Variants in CNTN4 observed in about 807,000 individuals in gnomAD.
The protein encoded by CNTN4 is contactin-4.
A neutral mutation model predicts 122.5 loss-of-function variants in CNTN4; 77 were observed. The observed-to-expected ratio is 0.63, with a 90% CI of 0.52 to 0.76. The LOEUF (loss-of-function observed/expected upper bound fraction) is 0.76. Among genes scored for constraint, CNTN4 ranks in the 30% least tolerant of loss-of-function variants. The pLI is 0.00. For missense variants in CNTN4, 1,256 were observed against 1,259.1 expected (o/e 1.00, Z 0.04); for synonymous variants, 512 against 447.0 (o/e 1.15, Z -1.83).
chr3:2,409,143 A>G (rs901821703), intron 3 of CNTN4, among the ~76,000 whole-genome samples: 31 of 152,274 alleles, frequency 2.0e-4, no homozygotes, highest in African/African-American at 7.5e-4. Context: ...CTAAAATTTT[A>G]TTAATTCCAG....
chr3:2,937,108 T>C lies in CNTN4; in HGVS notation c.1358+11329T>C, dbSNP rs76324262. Among the ~76,000 whole-genome samples the C allele has an allele frequency of 7.4e-3, 1,128 of 152,326 alleles. 12 individuals carry two copies. The highest frequency in any genetic ancestry group is 0.026 in the African/African-American group (1,084 of 41,566). On this transcript the variant is annotated intron_variant, in intron 13 of 24. Transcript: ENST00000418658. The stretch of plus-strand genomic sequence containing the variant: ...AAACATCTTCATAGTAACATGATCT[T>C]CCCCCACCTTGGGTTTTTTGTTTGT...
At chr3:2,919,010 C>T (rs1044569073) in intron 12 of CNTN4, among the ~76,000 whole-genome samples, 1 of 151,852 alleles carries the variant, frequency 6.6e-6, no homozygotes, top group Non-Finnish European at 1.5e-5. Context: ...GGGAAAGAGG[C>T]TCTTACTTGA....
intron 3 of CNTN4, among the ~76,000 whole-genome samples, chr3:2,485,176 T>C (rs2076117395): frequency 6.6e-6 from 1 of 152,218 alleles, no homozygotes; most frequent in Admixed American, 6.5e-5. Context: ...CAGCCTGCCA[T>C]GCAGAGCCTC....
chr3:2,372,164 G>A (rs1003230400), intron 3 of CNTN4, among the ~76,000 whole-genome samples: 1 of 152,084 alleles, frequency 6.6e-6, no homozygotes, highest in African/African-American at 2.4e-5. Context: ...CCTGGGGAGG[G>A]GGTAATGACA....
At chr3:2,746,413 G>A (rs1398175086) in intron 6 of CNTN4, among the ~76,000 whole-genome samples, 1 of 151,632 alleles carries the variant, frequency 6.6e-6, no homozygotes. Context: ...ATATATGAAA[G>A]AAAGTGGAAT....
intron 4 of CNTN4, among the ~76,000 whole-genome samples, chr3:2,643,738 G>A (rs2082999128): frequency 6.6e-6 from 1 of 152,088 alleles, no homozygotes; most frequent in Non-Finnish European, 1.5e-5. Context: ...ATTCTGCTTT[G>A]TATGTTAGGA....
chr3:2,665,280 T>G (rs1203909899), intron 4 of CNTN4, among the ~76,000 whole-genome samples: 2 of 152,144 alleles, frequency 1.3e-5, no homozygotes, highest in Non-Finnish European at 2.9e-5. Context: ...GTTAGTGGAG[T>G]TTGAAGCTGT....
chr3:2,488,519 C>CT (rs2076227826), intron 3 of CNTN4, among the ~76,000 whole-genome samples: 1 of 152,148 alleles, frequency 6.6e-6, no homozygotes, highest in African/African-American at 2.4e-5. Context: ...GTGCCCTGAG[C>CT]TACTGGGATA....
At chr3:2,513,916 TA>T (rs952385495) in intron 3 of CNTN4, among the ~76,000 whole-genome samples, 3 of 152,106 alleles carry the variant, frequency 2.0e-5, no homozygotes, top group African/African-American at 7.2e-5. Flanking sequence ...TTTAAAGTGC[TA>T]TGAAAGAGAA....
At chr3:2,204,106 C>A (rs2038230628) in intron 2 of CNTN4, among the ~76,000 whole-genome samples, 1 of 152,024 alleles carries the variant, frequency 6.6e-6, no homozygotes, top group South Asian at 2.1e-4. Context: ...TAACATGTAT[C>A]TGAGTTTTTA....
intron 23 of CNTN4, among the ~76,000 whole-genome samples, chr3:3,053,117 G>A (rs7636498): frequency 5.3e-5 from 8 of 152,202 alleles, no homozygotes; most frequent in Admixed American, 1.3e-4. Context: ...TCACTGCAAC[G>A]TCTGCCTCCC....
At chr3:2,289,930 C>G (rs747879898) in intron 2 of CNTN4, among the ~76,000 whole-genome samples, 17 of 152,086 alleles carry the variant, frequency 1.1e-4, no homozygotes, top group Non-Finnish European at 1.6e-4. Context: ...CTCTCGGAAA[C>G]TTGGAGGCAT....
chr3:2,664,099 A>G (rs1445680281), intron 4 of CNTN4, among the ~76,000 whole-genome samples: 2 of 152,200 alleles, frequency 1.3e-5, no homozygotes, highest in African/African-American at 4.8e-5. Context: ...GATGATGGCT[A>G]TACAACTTTG....
chr3:2,260,749 A>G (rs966059526), intron 2 of CNTN4, among the ~76,000 whole-genome samples: 2 of 148,618 alleles, frequency 1.3e-5, no homozygotes, highest in African/African-American at 5.0e-5. Flanking sequence ...TTTTGAGACA[A>G]GAGTCTCGCT....
At chr3:2,218,677 C>T (rs2038946759) in intron 2 of CNTN4, among the ~76,000 whole-genome samples, 1 of 152,172 alleles carries the variant, frequency 6.6e-6, no homozygotes, top group African/African-American at 2.4e-5. Context: ...GTATGTAGTA[C>T]TAAACCAAAG....
chr3:2,439,408 A>AT (rs201988565), intron 3 of CNTN4, among the ~76,000 whole-genome samples: 11 of 151,026 alleles, frequency 7.3e-5, no homozygotes, highest in South Asian at 2.1e-4. Context: ...ACTTTATTTT[A>AT]TTTTTTTTTA....
At chr3:2,363,999 A>C (rs1490333400) in intron 3 of CNTN4, among the ~76,000 whole-genome samples, 1 of 152,188 alleles carries the variant, frequency 6.6e-6, no homozygotes, top group Non-Finnish European at 1.5e-5. Flanking sequence ...GAATATTTAT[A>C]ACAGACTAGG....
rs373970304 is a variant in CNTN4 at position 2,531,468 on chromosome 3, T to A, written c.-88-39948T>A. ...TCTATGCCTTCAACCAGGGAGGCAG[T>A]GAGTCTTTAGGGATCCAAGCTGTTA... On this transcript the variant is annotated intron_variant, in intron 3 of 24. Transcript: ENST00000418658. Among the ~76,000 whole-genome samples the A allele has an allele frequency of 1.5e-4, 23 of 152,318 alleles. No individual in the cohort carries two copies. The South Asian group carries it at 4.3e-3, about 29-fold the overall frequency.
intron 13 of CNTN4, among the ~76,000 whole-genome samples, chr3:2,942,522 A>C (rs1353922510): frequency 6.6e-6 from 1 of 152,198 alleles, no homozygotes; most frequent in Non-Finnish European, 1.5e-5. Context: ...GATGTGCCTT[A>C]TAATTTTCAT....
Sources: gnomAD v4.1 joint callset for allele counts (sites outside exome capture counted in the v4.1 genomes callset) on GRCh38, gnomAD v4.1.1 for gene constraint, MANE v1.5 for transcripts, NCBI Gene and HGNC (gene_info 2026-07-23, HGNC 2026-07-21) for gene names.